COL6A2: variants seen among roughly 807,000 people sequenced by gnomAD.
The protein encoded by COL6A2 is collagen type VI alpha 2 chain.
COL6A2 carries 90 observed loss-of-function variants against 124.9 expected under a neutral mutation model. That is an observed-to-expected ratio of 0.72 (90% confidence interval 0.61 to 0.86). The LOEUF is 0.86. COL6A2 is among the 40% of genes least tolerant of loss of function. The probability of loss-of-function intolerance (pLI) is 0.00; values close to 1 mark genes in which losing one functional copy is unlikely to be tolerated. For missense variants in COL6A2, 1,607 were observed against 1,502.5 expected (o/e 1.07, Z -1.15); for synonymous variants, 793 against 618.2 (o/e 1.28, Z -4.19).
At chr21:46,117,269 G>C in intron 10 of COL6A2, 131 bp from the exon 11 acceptor site, 2 of 903,178 alleles carry the variant, frequency 2.2e-6, no homozygotes, top group South Asian at 3.0e-5. Context: ...GGCCTCATGT[G>C]GGCACCCGTG....
Position 46,131,468 on chromosome 21 carries a change from G to T in COL6A2, c.2462-486G>T, listed in dbSNP as rs549868073. ...AGAGTCAGGGGCTCCTGGTCTTTCCGGGAGGGACGTGGCCCAGCCAGCTCT... is the reference window on the plus strand; with the variant it reads ...AGAGTCAGGGGCTCCTGGTCTTTCCTGGAGGGACGTGGCCCAGCCAGCTCT... On this transcript the variant is annotated intron_variant, in intron 27 of 27. Coordinates refer to ENST00000300527, the MANE Select transcript of COL6A2 (RefSeq NM_001849.4). Among the ~76,000 whole-genome samples the T allele has an allele frequency of 6.6e-5, 10 of 152,322 alleles. No homozygotes were observed. The South Asian group carries it at 1.9e-3, about 28-fold the overall frequency.
chr21:46,129,096 C>T (rs1238860387), intron 27 of COL6A2: 1 of 1,602,560 alleles, frequency 6.2e-7, no homozygotes, highest in Non-Finnish European at 8.5e-7. Flanking sequence ...AGCCCAAATG[C>T]CGCTCTTCAC....
Position 46,112,274 on chromosome 21 carries a change from G to A in COL6A2, c.411G>A (p.Ala137=), listed in dbSNP as rs528885146. ...SFRRGTFTDC[A]LANMTEQIRQ... ...GCCGCGGCACCTTCACCGACTGCGC[G>A]CTGGCCAACATGACGGAGCAGATCC... is the stretch of plus-strand genomic sequence containing the variant. The change falls in exon 3 of 28, where the codon GCG becomes GCA. Residue 137 remains alanine, a synonymous_variant. Transcript: ENST00000300527. The A allele has an allele frequency of 3.5e-5, 57 of 1,612,694 alleles. No homozygotes were observed. The highest frequency in any genetic ancestry group is 4.4e-5 in the Non-Finnish European group (52 of 1,179,962).
At position 46,124,202 on chromosome 21, in the gene COL6A2, GTGGGTGGC is replaced by G. The variant is rs993757039; in HGVS notation, c.1672-441_1672-434del. Among the ~76,000 whole-genome samples, 25 of 150,256 alleles carry G rather than the reference GTGGGTGGC, an allele frequency of 1.7e-4. No individual in the cohort carries two copies. In the East Asian group the frequency reaches 4.1e-3, roughly 25 times the overall value. On this transcript the variant is annotated intron_variant, in intron 21 of 27. Coordinates refer to ENST00000300527, the MANE Select transcript of COL6A2 (RefSeq NM_001849.4). The stretch of plus-strand genomic sequence containing the variant: ...GATGGGTGGATGAATGGATGGGTTA[GTGGGTGGC>G]TGGGTGGATGGATGATGGATGGGTG...
At chr21:46,119,662 T>C in intron 14 of COL6A2, 126 bp from the exon 15 acceptor site, 1 of 805,606 alleles carries the variant, frequency 1.2e-6, no homozygotes, top group Non-Finnish European at 2.0e-6. Context: ...GGGATCGAGG[T>C]CCCAGGTCCC....
At position 46,120,465 on chromosome 21, in the gene COL6A2, G is replaced by C. The variant is rs1223431208; in HGVS notation, c.1333-50G>C. 3 of 1,472,662 alleles carry C rather than the reference G, an allele frequency of 2.0e-6. No homozygotes were observed. In the Admixed American group the frequency reaches 6.1e-5, roughly 30 times the overall value. 91.2% of individuals were successfully genotyped at this position (1,472,662 alleles called of 1,614,324 possible). A position where few individuals can be genotyped will look rare whatever the true frequency, so the allele number is the denominator to read the frequency against. On this transcript the variant is annotated intron_variant, in intron 15 of 27. Coordinates refer to ENST00000300527, the MANE Select transcript of COL6A2 (RefSeq NM_001849.4). ...ACACCCGCCTCTCACATGGGACCCA[G>C]GCCGGAGGCCTCAGCTGAGACCCGT...
rs146490185 is a variant in COL6A2 at position 46,108,856 on chromosome 21, C to T, written c.-27-2594C>T. ...GGCCTGAAACCTCTATGGCCAGTGG[C>T]GCCTTTGCCCAAGTTCTTGTCCTGT... On this transcript the variant is annotated intron_variant, in intron 1 of 27. Coordinates refer to ENST00000300527, the MANE Select transcript of COL6A2 (RefSeq NM_001849.4). Among the ~76,000 whole-genome samples, 603 of 152,246 alleles carry T rather than the reference C, an allele frequency of 4.0e-3. 5 individuals carry two copies. Among genetic ancestry groups the T allele is most frequent in the African/African-American group, 0.013 (551 of 41,528 alleles).
At chr21:46,122,350 G>C in intron 19 of COL6A2, 146 bp from the exon 20 acceptor site, 2 of 1,289,716 alleles carry the variant, frequency 1.6e-6, no homozygotes, top group Non-Finnish European at 2.2e-6. Context: ...ATCAGGAAAA[G>C]AGCACAGCTC....
chr21:46,116,806 G>A lies in COL6A2; in HGVS notation c.991G>A (p.Gly331Arg), dbSNP rs761134773. 22 of 1,612,780 alleles carry A rather than the reference G, an allele frequency of 1.4e-5. No individual in the cohort carries two copies. In the East Asian group the frequency reaches 4.5e-4, roughly 33 times the overall value. Residue 331 changes from glycine to arginine, a missense_variant, in exon 10 of 28, where the codon GGA becomes AGA. By Grantham distance (125) the Gly-to-Arg change is moderately radical (BLOSUM62 -2). This residue lies in a region of COL6A2 where 1,223 missense variants were observed against 1,052.2 expected (regional missense o/e 1.16). Coordinates refer to ENST00000300527, the MANE Select transcript of COL6A2 (RefSeq NM_001849.4). The surrounding 1 kb of genome is among the most constrained non-coding windows in gnomAD (Gnocchi z 4.6). ...PGLAGKNGTD[G>R]QKGKLGRIGP... ...CCTGGCTGGCAAGAACGGGACCGAT[G>A]GACAGAAGGTAGAGGGAGCCTCGGG...
chr21:46,116,943 A>ACG lies in COL6A2; in HGVS notation c.999+130_999+131insGC. ...CACACGCATACACACACACACACAC[A>ACG]CACACACACACACGAACTTCAGCTC... is the stretch of plus-strand genomic sequence containing the variant. On this transcript the variant is annotated intron_variant, in intron 10 of 27. Transcript: ENST00000300527. The surrounding 1 kb of genome is among the most constrained non-coding windows in gnomAD (Gnocchi z 4.6). The ACG allele has an allele frequency of 1.2e-6, 1 of 815,364 alleles. No homozygotes were observed. The highest frequency in any genetic ancestry group is 1.9e-6 in the Non-Finnish European group (1 of 519,706). 50.5% of individuals were successfully genotyped at this position (815,364 alleles called of 1,614,324 possible). A position where few individuals can be genotyped will look rare whatever the true frequency, so the allele number is the denominator to read the frequency against.
intron 27 of COL6A2, among the ~76,000 whole-genome samples, chr21:46,131,015 C>T (rs1182338986): frequency 2.0e-5 from 3 of 152,244 alleles, no homozygotes; most frequent in Non-Finnish European, 4.4e-5. Flanking sequence ...CTCCAGGGCC[C>T]CCAGAAACCG....
At chr21:46,108,640 C>T (rs2078361356) in intron 1 of COL6A2, among the ~76,000 whole-genome samples, 1 of 152,148 alleles carries the variant, frequency 6.6e-6, no homozygotes, top group African/African-American at 2.4e-5. Context: ...GAAGCAATTG[C>T]ATATTTTTTC....
intron 21 of COL6A2, among the ~76,000 whole-genome samples, chr21:46,123,878 G>C (rs62213984): frequency 7.6e-6 from 1 of 131,014 alleles, no homozygotes; most frequent in Admixed American, 7.4e-5. Context: ...CAGATGGATG[G>C]ATGGGTGAGT....
chr21:46,132,217 C>G lies in COL6A2; in HGVS notation c.2725C>G (p.Gln909Glu). Residue 909 changes from glutamine (Q) to glutamate (E), a missense_variant, in exon 28 of 28, where the codon CAA (glutamine) becomes GAA (glutamate). Physicochemically the swap from Gln to Glu is conservative, Grantham distance 29. Around this residue, in one of 3 missense-constraint regions of COL6A2, gnomAD observed 1,223 missense variants for 1,052.2 expected, o/e 1.16. Transcript: ENST00000300527. ...TAIHEALETT[Q>E]YLNSFSHVGA... is the part of the protein sequence containing the mutation. ...CATCCACGAGGCGCTGGAGACCACA[C>G]AATACCTGAACTCCTTCTCGCACGT... 6.3e-7 allele frequency: 1 copy of G among 1,593,914 alleles called. No homozygotes were observed. Among genetic ancestry groups the G allele is most frequent in the Non-Finnish European group, 8.5e-7 (1 of 1,171,508 alleles).
rs765430501 is a variant in COL6A2 at position 46,119,806 on chromosome 21, G to A, written c.1288G>A (p.Gly430Ser). 1.7e-5 allele frequency: 27 copies of A among 1,563,986 alleles called. No homozygotes were observed. The highest frequency in any genetic ancestry group is 4.7e-5 in the East Asian group (2 of 42,910). Reference protein sequence around the residue: ...KGEPGRRGDPGTKGSPGSDGP... With the variant: ...KGEPGRRGDPSTKGSPGSDGP... ...TCTGCAGGGGCGCAGGGGAGACCCCGGCACCAAGGGCAGCCCAGGCAGCGA... is the reference window on the plus strand; with the variant it reads ...TCTGCAGGGGCGCAGGGGAGACCCCAGCACCAAGGGCAGCCCAGGCAGCGA... The change falls in exon 15 of 28, where the codon GGC (glycine) becomes AGC (serine). Residue 430 changes from glycine to serine, a missense_variant. This residue lies in a region of COL6A2 where 1,223 missense variants were observed against 1,052.2 expected (regional missense o/e 1.16). Transcript: ENST00000300527.
intron 27 of COL6A2, chr21:46,129,582 A>G (rs934017068): frequency 2.1e-6 from 3 of 1,448,918 alleles, no homozygotes; most frequent in South Asian, 1.4e-5. Flanking sequence ...AGTGGAGGCC[A>G]GAGATCTGGA....
At chr21:46,100,443 G>T (rs2078277449) in intron 1 of COL6A2, among the ~76,000 whole-genome samples, 3 of 152,040 alleles carry the variant, frequency 2.0e-5, no homozygotes, top group Admixed American at 1.3e-4. Flanking sequence ...ATTTTTAAGT[G>T]TGCAGCTAGT....
chr21:46,112,695 G>A, intron 3 of COL6A2, 109 bp from the exon 4 acceptor site: 2 of 1,599,012 alleles, frequency 1.3e-6, no homozygotes, highest in Non-Finnish European at 1.7e-6. Flanking sequence ...GGAAGCTCCG[G>A]GCAGGGCCTG....
chr21:46,113,323 G>A (rs961850337), intron 4 of COL6A2, among the ~76,000 whole-genome samples: 1 of 152,118 alleles, frequency 6.6e-6, no homozygotes, highest in East Asian at 1.9e-4. Flanking sequence ...TGTACAAATG[G>A]TGCCTCCCTC....
Sources: allele counts gnomAD v4.1 joint callset (sites outside exome capture counted in the v4.1 genomes callset), GRCh38; gene constraint gnomAD v4.1.1; regional missense constraint gnomAD v4.1.1; non-coding constraint Gnocchi (gnomAD v3.1); transcripts MANE v1.5; gene names NCBI Gene and HGNC (gene_info 2026-07-23, HGNC 2026-07-21).